Variants in NHSL2 observed in about 807,000 individuals in gnomAD.
NHSL2 encodes NHS-like protein 2.
In NHSL2, 27 loss-of-function variants were observed where a neutral mutation model predicts 53.4. The observed-to-expected ratio is 0.51, with a 90% CI of 0.37 to 0.70. The LOEUF (loss-of-function observed/expected upper bound fraction) is 0.70, where lower values mean the gene tolerates loss of function less well. Among genes scored for constraint, NHSL2 ranks in the 30% least tolerant of loss-of-function variants. NHSL2 has a pLI of 0.00. For synonymous variants in NHSL2, 408 were observed against 404.1 expected, an observed-to-expected ratio of 1.01 and a Z score of -0.12; for missense variants, 892 against 980.1, an observed-to-expected ratio of 0.91 and a Z score of 1.20.
intron 1 of NHSL2, among the ~76,000 whole-genome samples, chrX:72,110,334 A>G (rs1407345882): frequency 9.0e-6 from 1 of 111,123 alleles, no homozygotes; most frequent in Admixed American, 9.6e-5. Context: ...GCCTCTGAGA[A>G]TGACCTCCTC....
At chrX:72,036,845 A>G (rs2042243954) in intron 1 of NHSL2, among the ~76,000 whole-genome samples, 1 of 109,740 alleles carries the variant, frequency 9.1e-6, no homozygotes, top group African/African-American at 3.3e-5. Flanking sequence ...GTTCTTTTTG[A>G]TATCTTCTAT....
intron 1 of NHSL2, among the ~76,000 whole-genome samples, chrX:72,119,053 G>C (rs973106475): frequency 9.0e-6 from 1 of 111,496 alleles, no homozygotes. Context: ...AATGGAATTG[G>C]CACCCTTGTC....
rs758975510 is a variant in NHSL2 at position 71,991,434 on chromosome X, C to T, written c.280+80067C>T. Among the ~76,000 whole-genome samples the T allele has an allele frequency of 1.3e-4, 15 of 112,726 alleles. No homozygotes were observed. In the South Asian group the frequency reaches 5.5e-3, roughly 41 times the overall value. ...TTGCAAGTGCTTTGCTTAAGTGATT[C>T]CCAGTGTCATCTAATATACAGCAGT... On this transcript the variant is annotated intron_variant, in intron 1 of 7. Transcript: ENST00000633930.
Position 72,138,550 on chromosome X carries a change from T to G in NHSL2, c.1002T>G (p.Asp334Glu). The G allele has an allele frequency of 8.6e-7, 1 of 1,167,432 alleles. No homozygotes were observed. Among genetic ancestry groups the G allele is most frequent in the Non-Finnish European group, 1.1e-6 (1 of 872,658 alleles). Residue 334 changes from aspartate to glutamate, a missense_variant, in exon 6 of 8, where the codon GAT becomes GAG. Asp to Glu is a conservative substitution (Grantham distance 45). Coordinates refer to ENST00000633930, the MANE Select transcript of NHSL2 (RefSeq NM_001013627.3). ...GVHGRVAVGQ[D>E]ARFPSLTSPV... Reference sequence around the variant, plus strand: ...ATGGAAGAGTTGCAGTTGGTCAGGATGCTCGGTTCCCAAGTCTCACCTCGC... The same window carrying G: ...ATGGAAGAGTTGCAGTTGGTCAGGAGGCTCGGTTCCCAAGTCTCACCTCGC...
chrX:72,054,947 T>TC (rs1444378574), intron 1 of NHSL2, among the ~76,000 whole-genome samples: 1 of 111,302 alleles, frequency 9.0e-6, no homozygotes, highest in African/African-American at 3.3e-5. Context: ...GATCACCCTT[T>TC]CCCCCGTCAC....
At chrX:71,970,584 T>G (rs773245653) in intron 1 of NHSL2, among the ~76,000 whole-genome samples, 1 of 110,490 alleles carries the variant, frequency 9.1e-6, no homozygotes, top group Non-Finnish European at 1.9e-5. Context: ...GAGTCTTTTC[T>G]AGTTTTCTTT....
At chrX:72,124,876 TCTTCCTTC>T (rs747463052) in intron 1 of NHSL2, among the ~76,000 whole-genome samples, 1 of 111,247 alleles carries the variant, frequency 9.0e-6, no homozygotes, top group Non-Finnish European at 1.9e-5. Context: ...CCTTCTACTG[TCTTCCTTC>T]CTTCCTTCCT....
chrX:72,140,101 C>A lies in NHSL2; in HGVS notation c.2553C>A (p.Ala851=). The A allele has an allele frequency of 3.3e-6, 4 of 1,207,464 alleles. No homozygotes were observed. The highest frequency in any genetic ancestry group is 4.5e-6 in the Non-Finnish European group (4 of 893,855). Residue 851 remains alanine (A), a synonymous_variant, in exon 6 of 8, where the codon GCC becomes GCA. Transcript: ENST00000633930. Reference sequence around the variant, plus strand: ...ATGATATTGAGAGCCCTGAGTATGCCGAGGAACCCAGAGCAGAAGAAGTCT... The same window carrying A: ...ATGATATTGAGAGCCCTGAGTATGCAGAGGAACCCAGAGCAGAAGAAGTCT... ...PEDDIESPEY[A]EEPRAEEVFT... is the part of the protein sequence containing the mutation.
At chrX:71,931,996 T>C (rs780257987) in intron 1 of NHSL2, among the ~76,000 whole-genome samples, 6 of 112,528 alleles carry the variant, frequency 5.3e-5, no homozygotes, top group African/African-American at 1.3e-4. Flanking sequence ...TCGACAAATA[T>C]TGATTGAGCA....
At chrX:71,944,408 G>T (rs937724130) in intron 1 of NHSL2, among the ~76,000 whole-genome samples, 2 of 112,119 alleles carry the variant, frequency 1.8e-5, no homozygotes, top group South Asian at 7.5e-4. Context: ...CCTGAGTCAG[G>T]TTCTAAGATT....
chrX:72,139,010 C>T lies in NHSL2; in HGVS notation c.1462C>T (p.Pro488Ser), dbSNP rs1422580827. The T allele has an allele frequency of 1.7e-6, 2 of 1,177,912 alleles. No homozygotes were observed. The highest frequency in any genetic ancestry group is 3.2e-5 in the East Asian group (1 of 31,680). The change falls in exon 6 of 8, where the codon CCC (proline) becomes TCC (serine). Residue 488 changes from proline to serine, a missense_variant. Physicochemically the swap from Pro to Ser is moderately conservative, Grantham distance 74. Coordinates refer to ENST00000633930, the MANE Select transcript of NHSL2 (RefSeq NM_001013627.3). ...TSGTSRLETGPGGASRFRERS... is the reference protein window; with the variant it reads ...TSGTSRLETGSGGASRFRERS... ...TGGGACCTCGAGGCTGGAGACAGGC[C>T]CCGGTGGGGCCAGCAGATTCCGGGA...
chrX:72,031,929 A>G (rs1261446435), intron 1 of NHSL2, among the ~76,000 whole-genome samples: 2 of 111,619 alleles, frequency 1.8e-5, no homozygotes, highest in East Asian at 5.6e-4. Context: ...TGGGAAAGTG[A>G]TGTTGGTACA....
chrX:72,107,893 ACTG>A (rs2042059421), intron 1 of NHSL2, among the ~76,000 whole-genome samples: 1 of 111,999 alleles, frequency 8.9e-6, no homozygotes, highest in African/African-American at 3.2e-5. Flanking sequence ...AGCCTGAGGA[ACTG>A]GCATTTTATC....
chrX:72,019,467 C>T (rs1223511934), intron 1 of NHSL2, among the ~76,000 whole-genome samples: 1 of 112,182 alleles, frequency 8.9e-6, no homozygotes, highest in Admixed American at 9.4e-5. Context: ...ATGATTTAGT[C>T]ACCACACACT....
At chrX:72,037,908 A>G (rs1368141908) in intron 1 of NHSL2, among the ~76,000 whole-genome samples, 1 of 112,140 alleles carries the variant, frequency 8.9e-6, no homozygotes, top group Non-Finnish European at 1.9e-5. Context: ...CACTGGGTGG[A>G]GGGCTGGGAG....
chrX:72,130,017 G>A, intron 1 of NHSL2: 1 of 1,211,473 alleles, frequency 8.3e-7, no homozygotes. Flanking sequence ...CTCGATTCTG[G>A]TTCCTCCGTC....
intron 1 of NHSL2, among the ~76,000 whole-genome samples, chrX:72,002,150 C>G (rs7472221): frequency 0.099 from 11,024 of 111,353 alleles, 615 homozygotes; most frequent in African/African-American, 0.18. Context: ...ATTGGCATGG[C>G]CGGGTGGCAG....
chrX:71,969,492 T>C (rs1164758752), intron 1 of NHSL2, among the ~76,000 whole-genome samples: 1 of 110,656 alleles, frequency 9.0e-6, no homozygotes, highest in Non-Finnish European at 1.9e-5. Flanking sequence ...TTTGTATTTT[T>C]AGTAGAGACG....
chrX:71,911,126 G>A lies in NHSL2; in HGVS notation c.39G>A (p.Leu13=). 9.0e-7 allele frequency: 1 copy of A among 1,107,362 alleles called. No homozygotes were observed. Among genetic ancestry groups the A allele is most frequent in the African/African-American group, 1.9e-5 (1 of 53,030 alleles). 91.3% of individuals were successfully genotyped at this position (1,107,362 alleles called of 1,213,427 possible). Residue 13 remains leucine (L), a synonymous_variant, in exon 1 of 8, where the codon CTG becomes CTA. Coordinates refer to ENST00000633930, the MANE Select transcript of NHSL2 (RefSeq NM_001013627.3). ...FYRRTVVPQR[L]CPRNPPQQLA... ...GGCGCACGGTGGTACCCCAGCGCCTGTGCCCGCGCAACCCGCCGCAGCAGC... is the reference window on the plus strand; with the variant it reads ...GGCGCACGGTGGTACCCCAGCGCCTATGCCCGCGCAACCCGCCGCAGCAGC...
Sources: allele counts gnomAD v4.1 joint callset (sites outside exome capture counted in the v4.1 genomes callset), GRCh38; gene constraint gnomAD v4.1.1; transcripts MANE v1.5; gene names NCBI Gene and HGNC (gene_info 2026-07-23, HGNC 2026-07-21).